Variants in CAB39L observed in about 807,000 individuals in gnomAD.
The protein encoded by CAB39L is calcium-binding protein 39-like.
In CAB39L, 23 loss-of-function variants were observed where a neutral mutation model predicts 39.1. The observed-to-expected ratio is 0.59, with a 90% confidence interval of 0.42 to 0.83. CAB39L has a LOEUF of 0.83. CAB39L is among the 40% of genes least tolerant of loss of function. The probability of loss-of-function intolerance (pLI) is 0.00; values close to 1 mark genes in which losing one functional copy is unlikely to be tolerated. For missense variants in CAB39L, 366 were observed against 391.9 expected, an observed-to-expected ratio of 0.93 and a Z score of 0.56; for synonymous variants, 126 against 137.2, an observed-to-expected ratio of 0.92 and a Z score of 0.57.
At chr13:49,409,911 TA>T (rs201528930) in intron 3 of CAB39L, among the ~76,000 whole-genome samples, 42,721 of 140,200 alleles carry the variant, frequency 0.3, 6,769 homozygotes, top group Middle Eastern at 0.42. Flanking sequence ...TCTCTCTATT[TA>T]AAAAAAAAAA....
intron 3 of CAB39L, among the ~76,000 whole-genome samples, chr13:49,422,167 T>C (rs1280227255): frequency 1.3e-5 from 2 of 152,186 alleles, no homozygotes; most frequent in African/African-American, 4.8e-5. Context: ...TCCACTGACA[T>C]TGCACTTATA....
intron 3 of CAB39L, among the ~76,000 whole-genome samples, chr13:49,403,041 TA>T (rs1427161127): frequency 1.3e-5 from 2 of 152,188 alleles, no homozygotes; most frequent in Admixed American, 1.3e-4. Context: ...ACTGCAAGGT[TA>T]ATTTAAAACT....
At chr13:49,424,135 T>C (rs1957212083) in intron 3 of CAB39L, among the ~76,000 whole-genome samples, 1 of 152,214 alleles carries the variant, frequency 6.6e-6, no homozygotes, top group Non-Finnish European at 1.5e-5. Flanking sequence ...GTGTAAGTTA[T>C]AGATCGTGAC....
chr13:49,443,927 T>G (rs1350907820), intron 1 of CAB39L, 59 bp downstream of exon 1: 1 of 456,518 alleles, frequency 2.2e-6, no homozygotes, highest in East Asian at 6.9e-5. Context: ...GCTATGTATG[T>G]TTTCAACCCC....
chr13:49,346,982 C>A (rs1955197087), intron 7 of CAB39L, among the ~76,000 whole-genome samples: 1 of 152,018 alleles, frequency 6.6e-6, no homozygotes, highest in Admixed American at 6.6e-5. Context: ...AACTGAGCAA[C>A]AGTCCCTTTA....
At chr13:49,377,825 T>A (rs1327937717) in intron 4 of CAB39L, among the ~76,000 whole-genome samples, 269 of 81,730 alleles carry the variant, frequency 3.3e-3, no homozygotes, top group African/African-American at 0.01. Flanking sequence ...CCGTCTGGGA[T>A]GTGAGGAGCC....
At chr13:49,421,943 A>C (rs967175237) in intron 3 of CAB39L, among the ~76,000 whole-genome samples, 7 of 152,138 alleles carry the variant, frequency 4.6e-5, no homozygotes, top group African/African-American at 1.7e-4. Flanking sequence ...CAAATGTCCA[A>C]GTTTCAGTCA....
At chr13:49,338,340 T>C (rs952485398) in intron 9 of CAB39L, among the ~76,000 whole-genome samples, 1 of 152,076 alleles carries the variant, frequency 6.6e-6, no homozygotes, top group South Asian at 2.1e-4. Context: ...GGTGAGTTCA[T>C]GTCCTTTGTA....
At chr13:49,382,693 T>C (rs1261229791) in intron 4 of CAB39L, 107 bp downstream of exon 4, 3 of 700,492 alleles carry the variant, frequency 4.3e-6, no homozygotes, top group Admixed American at 2.6e-5. Context: ...AGAGGGTCTA[T>C]GTGCACATCA....
chr13:49,433,811 A>G (rs928722689), intron 2 of CAB39L, among the ~76,000 whole-genome samples: 34 of 152,226 alleles, frequency 2.2e-4, no homozygotes, highest in African/African-American at 7.7e-4. Flanking sequence ...TTAGATGTTC[A>G]GTAAAATTTT....
At chr13:49,313,391 G>A (rs1008640992) in intron 10 of CAB39L, among the ~76,000 whole-genome samples, 1 of 151,700 alleles carries the variant, frequency 6.6e-6, no homozygotes, top group Non-Finnish European at 1.5e-5. Flanking sequence ...TGTGGCAGGA[G>A]AATGGCGTGA....
chr13:49,314,582 C>T (rs144399876), intron 10 of CAB39L, among the ~76,000 whole-genome samples: 2 of 152,310 alleles, frequency 1.3e-5, no homozygotes, highest in Non-Finnish European at 2.9e-5. Flanking sequence ...ACCCTCACAA[C>T]AGCCCTGAAG....
intron 7 of CAB39L, among the ~76,000 whole-genome samples, chr13:49,346,058 C>CATATATATATATGCTAGATATATAT (rs1166719982): frequency 2.0e-4 from 13 of 66,420 alleles, no homozygotes; most frequent in East Asian, 7.0e-4. Flanking sequence ...ATTCCTCCAG[C>CATATATATATATGCTAGATATATAT]ATATATATAT....
At chr13:49,319,843 A>AG (rs1446553724) in intron 10 of CAB39L, among the ~76,000 whole-genome samples, 3 of 151,982 alleles carry the variant, frequency 2.0e-5, no homozygotes, top group Admixed American at 6.6e-5. Context: ...AAAAAAAAAA[A>AG]AAAAGATTAA....
intron 10 of CAB39L, among the ~76,000 whole-genome samples, chr13:49,331,563 T>C (rs1186869186): frequency 2.6e-5 from 4 of 152,120 alleles, no homozygotes; most frequent in South Asian, 2.1e-4. Flanking sequence ...ATATTAATAA[T>C]GTGAGTAGTA....
At chr13:49,398,923 T>C (rs536074639) in intron 3 of CAB39L, among the ~76,000 whole-genome samples, 1 of 152,178 alleles carries the variant, frequency 6.6e-6, no homozygotes, top group East Asian at 1.9e-4. Context: ...CTCAGCACCA[T>C]TCCTACTCAT....
In CAB39L at chr13:49,434,123, T is replaced by C. The variant is rs988818747; in HGVS notation, c.-145A>G. On this transcript the variant is annotated 5_prime_UTR_variant, in exon 2 of 11. Transcript: ENST00000409308. ...TAGTGCATTGCTCTTGCATGAAGAA[T>C]GAACAAACCACTGATTTGGGGTTCG... The C allele has an allele frequency of 6.6e-6, 3 of 456,450 alleles. No individual in the cohort carries two copies. The highest frequency in any genetic ancestry group is 4.0e-5 in the African/African-American group (2 of 50,056). The allele number at this position is 456,450 out of a possible 1,614,324, so 28.3% of individuals were successfully genotyped here.
intron 4 of CAB39L, among the ~76,000 whole-genome samples, chr13:49,381,262 T>A (rs1243497518): frequency 6.6e-6 from 1 of 152,146 alleles, no homozygotes; most frequent in Admixed American, 6.5e-5. Context: ...TTCATATCCT[T>A]AATAGCCTGA....
intron 5 of CAB39L, among the ~76,000 whole-genome samples, chr13:49,362,516 T>G (rs1955663169): frequency 6.6e-6 from 1 of 151,744 alleles, no homozygotes; most frequent in Admixed American, 6.6e-5. Flanking sequence ...TTAGTGAGCT[T>G]GCAGACAGGC....
Sources: gnomAD v4.1 joint callset for allele counts (sites outside exome capture counted in the v4.1 genomes callset) on GRCh38, gnomAD v4.1.1 for gene constraint, MANE v1.5 for transcripts, NCBI Gene and HGNC (gene_info 2026-07-23, HGNC 2026-07-21) for gene names.